Variants in HECW1 observed in about 807,000 individuals in gnomAD.
HECW1 encodes the protein E3 ubiquitin-protein ligase HECW1.
In HECW1, 61 loss-of-function variants were observed where a neutral mutation model predicts 182.3. The observed-to-expected ratio is 0.33, with a 90% CI of 0.27 to 0.41. The LOEUF (loss-of-function observed/expected upper bound fraction) is 0.41. Among genes scored for constraint, HECW1 ranks in the 10% least tolerant of loss-of-function variants. The pLI, the probability that HECW1 is intolerant of heterozygous loss-of-function variation, is 1.00. For missense variants in HECW1, 1,739 were observed against 2,108.9 expected, an observed-to-expected ratio of 0.82 and a Z score of 3.44; for synonymous variants, 859 against 832.6, an observed-to-expected ratio of 1.03 and a Z score of -0.55.
In HECW1 at chr7:43,555,459, A is replaced by G. The variant is rs111613346; in HGVS notation, c.4709+669A>G. Among the ~76,000 whole-genome samples, 765 of 152,354 alleles carry G rather than the reference A, an allele frequency of 5.0e-3. 10 individuals carry two copies. The highest frequency in any genetic ancestry group is 0.017 in the African/African-American group (726 of 41,580). On this transcript the variant is annotated intron_variant, in intron 29 of 29. Coordinates refer to ENST00000395891, the MANE Select transcript of HECW1 (RefSeq NM_015052.5). ...CCTGATCAGGAAGCACTGAAGAGAC[A>G]GTTGTGCATAGGCGCTATAGTGAGA...
At position 43,150,676 on chromosome 7, in the gene HECW1, G is replaced by C. The variant is rs549943750; in HGVS notation, c.-32+36285G>C. On this transcript the variant is annotated intron_variant, in intron 2 of 29. Transcript: ENST00000395891. ...TTACAGGCATGAGCCACTGCATCAG[G>C]CCTGGATCAGCATTTTAAAGATGGC... Among the ~76,000 whole-genome samples the C allele has an allele frequency of 1.1e-3, 164 of 152,324 alleles. 1 individual carries two copies. Among genetic ancestry groups the C allele is most frequent in the South Asian group, 7.0e-3 (34 of 4,832 alleles).
At chr7:43,349,288 C>T (rs1159445578) in intron 5 of HECW1, among the ~76,000 whole-genome samples, 4 of 152,142 alleles carry the variant, frequency 2.6e-5, no homozygotes. Flanking sequence ...CCTGCCTCGG[C>T]CTCCCAAAGT....
intron 5 of HECW1, among the ~76,000 whole-genome samples, chr7:43,348,904 T>C (rs559955176): frequency 1.4e-4 from 21 of 152,362 alleles, no homozygotes; most frequent in South Asian, 4.1e-4. Flanking sequence ...TTCTTAAATT[T>C]ATTGAGGCTC....
intron 2 of HECW1, among the ~76,000 whole-genome samples, chr7:43,199,097 A>G (rs1794803215): frequency 6.6e-6 from 1 of 151,722 alleles, no homozygotes; most frequent in South Asian, 2.1e-4. Context: ...CTCATTGCAC[A>G]CTCTCTCTCT....
intron 6 of HECW1, among the ~76,000 whole-genome samples, chr7:43,363,598 TC>T (rs1025138483): frequency 2.0e-4 from 30 of 152,102 alleles, no homozygotes; most frequent in African/African-American, 7.2e-4. Flanking sequence ...AAGAGAGAAA[TC>T]CTGGGCTCCT....
rs568677846 is a variant in HECW1, at chr7:43,394,462, G to A, written c.556-2352G>A. Among the ~76,000 whole-genome samples the A allele has an allele frequency of 1.1e-4, 16 of 152,294 alleles. No homozygotes were observed. In the South Asian group the frequency reaches 2.5e-3, roughly 24 times the overall value. On this transcript the variant is annotated intron_variant, in intron 6 of 29. Transcript: ENST00000395891. ...ACAATGAGTATTGCCAGGAAAGAAG[G>A]CTTTTTATTTGGGTGATGTTAACTG...
At chr7:43,251,086 T>A (rs1323520591) in intron 3 of HECW1, among the ~76,000 whole-genome samples, 1 of 152,184 alleles carries the variant, frequency 6.6e-6, no homozygotes, top group Non-Finnish European at 1.5e-5. Flanking sequence ...GCCCTGTGGA[T>A]GCTTCCTCCT....
At chr7:43,387,762 GC>G in intron 6 of HECW1, among the ~76,000 whole-genome samples, 1 of 152,232 alleles carries the variant, frequency 6.6e-6, no homozygotes, top group Admixed American at 6.5e-5. Context: ...CTGGGCTCTG[GC>G]CCCGATTTGT....
chr7:43,340,365 C>T lies in HECW1; in HGVS notation c.460+19623C>T, dbSNP rs569354865. The stretch of plus-strand genomic sequence containing the variant: ...CCTCCAGAGTAGCTGGGATTACAGT[C>T]GCCAGCCATCACGCCCAGCTAATTT... On this transcript the variant is annotated intron_variant, in intron 5 of 29. Transcript: ENST00000395891. Among the ~76,000 whole-genome samples, 30 of 151,170 alleles carry T rather than the reference C, an allele frequency of 2.0e-4. 1 individual carries two copies. Among genetic ancestry groups the T allele is most frequent in the African/African-American group, 6.1e-4 (25 of 40,734 alleles).
rs1158373934 is a variant in HECW1, at chr7:43,130,898, G to GTGTAAGTATACACAAAGTA, written c.-32+16508_-32+16509insGTAAGTATACACAAAGTAT. On this transcript the variant is annotated intron_variant, in intron 2 of 29. Coordinates refer to ENST00000395891, the MANE Select transcript of HECW1 (RefSeq NM_015052.5). ...AACTGGGTATACAATAATCTACTTA[G>GTGTAAGTATACACAAAGTA]TACTTTGTGTATATGTATGTATCTA... is the stretch of plus-strand genomic sequence containing the variant. Among the ~76,000 whole-genome samples, 4 of 152,108 alleles carry GTGTAAGTATACACAAAGTA rather than the reference G, an allele frequency of 2.6e-5. No homozygotes were observed. In the East Asian group the frequency reaches 7.7e-4, roughly 29 times the overall value.
chr7:43,213,308 A>G (rs566238398), intron 2 of HECW1, among the ~76,000 whole-genome samples: 1 of 152,098 alleles, frequency 6.6e-6, no homozygotes, highest in East Asian at 1.9e-4. Flanking sequence ...ATGATAAGAG[A>G]CTTTATCATA....
intron 2 of HECW1, among the ~76,000 whole-genome samples, chr7:43,181,169 TGAC>T (rs987656722): frequency 1.3e-5 from 2 of 150,960 alleles, no homozygotes; most frequent in Non-Finnish European, 2.9e-5. Context: ...TTGTGGCAAA[TGAC>T]ACCATTTCAT....
intron 29 of HECW1, among the ~76,000 whole-genome samples, chr7:43,558,631 A>G (rs1200571711): frequency 1.3e-5 from 2 of 152,152 alleles, no homozygotes; most frequent in African/African-American, 4.8e-5. Context: ...CAGCTCCCAC[A>G]ACAAAGAGTT....
chr7:43,343,446 G>A (rs114456289), intron 5 of HECW1, among the ~76,000 whole-genome samples: 4,955 of 151,600 alleles, frequency 0.033, 410 homozygotes, highest in African/African-American at 0.11. Context: ...ACAGACGTGT[G>A]TGATATTCCC....
chr7:43,389,924 A>G (rs1221293020), intron 6 of HECW1, among the ~76,000 whole-genome samples: 1 of 152,004 alleles, frequency 6.6e-6, no homozygotes, highest in Non-Finnish European at 1.5e-5. Flanking sequence ...TGAGCCACCC[A>G]CCTGGCCCCC....
At chr7:43,127,932 G>A (rs1433298548) in intron 2 of HECW1, among the ~76,000 whole-genome samples, 2 of 151,592 alleles carry the variant, frequency 1.3e-5, no homozygotes, top group East Asian at 3.9e-4. Context: ...AGACTGGCAT[G>A]TAGTAGCATG....
intron 2 of HECW1, among the ~76,000 whole-genome samples, chr7:43,135,563 A>G (rs1787434938): frequency 6.6e-6 from 1 of 152,198 alleles, no homozygotes; most frequent in Non-Finnish European, 1.5e-5. Flanking sequence ...GGAAATGCTC[A>G]TGGCTTGTTT....
chr7:43,357,031 C>T (rs374521665), intron 5 of HECW1, among the ~76,000 whole-genome samples: 193 of 152,166 alleles, frequency 1.3e-3, no homozygotes, highest in African/African-American at 4.5e-3. Flanking sequence ...CAAATCAAAA[C>T]CACAATGAGT....
chr7:43,134,324 G>A (rs551745869), intron 2 of HECW1, among the ~76,000 whole-genome samples: 2 of 142,928 alleles, frequency 1.4e-5, no homozygotes, highest in Admixed American at 1.5e-4. Flanking sequence ...AACCCGGGAG[G>A]CAGAGGTTGC....
Sources: gnomAD v4.1 joint callset for allele counts (sites outside exome capture counted in the v4.1 genomes callset) on GRCh38, gnomAD v4.1.1 for gene constraint, MANE v1.5 for transcripts, NCBI Gene and HGNC (gene_info 2026-07-23, HGNC 2026-07-21) for gene names.